Variants in GALNT10 observed in about 807,000 individuals in gnomAD.
The protein encoded by GALNT10 is polypeptide N-acetylgalactosaminyltransferase 10, also known as GalNAc transferase 10.
Under a neutral mutation model 75.0 loss-of-function variants are expected in GALNT10, and 41 were observed. The ratio of observed to expected loss-of-function variants is 0.55; its 90% CI spans 0.43 to 0.71. The LOEUF is 0.71. Among genes scored for constraint, GALNT10 ranks in the 30% least tolerant of loss-of-function variants. GALNT10 has a pLI of 0.00. For synonymous variants in GALNT10, 302 were observed against 313.0 expected (o/e 0.96, Z 0.37); for missense variants, 727 against 818.5 (o/e 0.89, Z 1.36).
intron 4 of GALNT10, among the ~76,000 whole-genome samples, chr5:154,351,600 T>A (rs1045894352): frequency 6.6e-6 from 1 of 152,260 alleles, no homozygotes; most frequent in Admixed American, 6.5e-5. Flanking sequence ...ACCTTGTTCC[T>A]GGCTCCTTTG....
In GALNT10 at chr5:154,404,120, G is replaced by A. The variant is rs1379955753; in HGVS notation, c.1073G>A (p.Gly358Asp). The change falls in exon 8 of 12, where the codon GGC becomes GAC. Residue 358 changes from glycine to aspartate, a missense_variant. By Grantham distance (94) the Gly-to-Asp change is moderately conservative (BLOSUM62 -1). Transcript: ENST00000297107. ...EISFKVWMCG[G>D]RMEDIPCSRV... ...GCCATGCAGGTGTGGATGTGTGGGG[G>A]CCGCATGGAGGACATCCCCTGCTCC... 1.2e-6 allele frequency: 2 copies of A among 1,613,276 alleles called. No individual in the cohort carries two copies. Among genetic ancestry groups the A allele is most frequent in the South Asian group, 2.2e-5 (2 of 91,060 alleles).
intron 1 of GALNT10, among the ~76,000 whole-genome samples, chr5:154,278,278 A>G (rs1753980803): frequency 1.3e-5 from 2 of 152,210 alleles, no homozygotes; most frequent in African/African-American, 4.8e-5. Flanking sequence ...TCTTATAAGC[A>G]TCAAAAAAGT....
intron 1 of GALNT10, among the ~76,000 whole-genome samples, chr5:154,248,697 C>T (rs1753469535): frequency 6.6e-6 from 1 of 152,172 alleles, no homozygotes; most frequent in Non-Finnish European, 1.5e-5. Flanking sequence ...TGATTCTTCT[C>T]TCTTTTCTTC....
intron 3 of GALNT10, among the ~76,000 whole-genome samples, chr5:154,322,610 G>A (rs1321977095): frequency 1.3e-5 from 2 of 152,168 alleles, no homozygotes; most frequent in South Asian, 4.1e-4. Flanking sequence ...TACCATGCCT[G>A]GTTTCTGGCT....
chr5:154,242,280 G>C (rs968918052), intron 1 of GALNT10, among the ~76,000 whole-genome samples: 1 of 152,146 alleles, frequency 6.6e-6, no homozygotes, highest in African/African-American at 2.4e-5. Flanking sequence ...CAGCCATCTT[G>C]TTTGAGGAGG....
At chr5:154,384,758 G>C (rs190317859) in intron 6 of GALNT10, among the ~76,000 whole-genome samples, 1 of 152,298 alleles carries the variant, frequency 6.6e-6, no homozygotes, top group Admixed American at 6.5e-5. Context: ...TTGTGGTGGC[G>C]AGGGGTGTGA....
chr5:154,212,989 C>T (rs1253108973), intron 1 of GALNT10, among the ~76,000 whole-genome samples: 1 of 151,218 alleles, frequency 6.6e-6, no homozygotes, highest in Non-Finnish European at 1.5e-5. Flanking sequence ...AAAAAGATCA[C>T]AGGCTCCAGA....
chr5:154,380,681 C>T (rs945657807), intron 6 of GALNT10, 50 bp downstream of exon 6: 7 of 1,274,708 alleles, frequency 5.5e-6, no homozygotes, highest in Admixed American at 3.8e-5. Context: ...AGTGACCACT[C>T]CCAACACGCA....
intron 4 of GALNT10, chr5:154,337,656 C>T: frequency 3.0e-6 from 3 of 998,592 alleles, no homozygotes; most frequent in Non-Finnish European, 4.7e-6. Flanking sequence ...ATTGTAGCTT[C>T]CATCACCTCC....
At chr5:154,404,701 AC>A (rs1561684780) in intron 8 of GALNT10, among the ~76,000 whole-genome samples, 1 of 152,238 alleles carries the variant, frequency 6.6e-6, no homozygotes, top group East Asian at 1.9e-4. Context: ...ATGTAAAAAA[AC>A]ATGTTAGATA....
chr5:154,355,296 A>T (rs1188188654), intron 4 of GALNT10, among the ~76,000 whole-genome samples: 3 of 152,086 alleles, frequency 2.0e-5, no homozygotes, highest in Non-Finnish European at 4.4e-5. Flanking sequence ...GACCCAATGC[A>T]TATCTGTTTA....
intron 1 of GALNT10, among the ~76,000 whole-genome samples, chr5:154,275,233 A>G (rs543511337): frequency 6.6e-6 from 1 of 152,358 alleles, no homozygotes; most frequent in Non-Finnish European, 1.5e-5. Context: ...ATGAATAAAA[A>G]TGGGTCTGGC....
chr5:154,233,472 T>C (rs533743107), intron 1 of GALNT10, among the ~76,000 whole-genome samples: 15 of 152,278 alleles, frequency 9.9e-5, no homozygotes, highest in African/African-American at 3.4e-4. Context: ...CAAGGAAAAG[T>C]GGGCTTCTGC....
At chr5:154,327,325 G>A (rs1392449737) in intron 3 of GALNT10, among the ~76,000 whole-genome samples, 2 of 152,332 alleles carry the variant, frequency 1.3e-5, no homozygotes, top group Non-Finnish European at 2.9e-5. Flanking sequence ...TGCAGCATCC[G>A]AATGGTGATA....
chr5:154,251,100 A>G (rs1753513369), intron 1 of GALNT10, among the ~76,000 whole-genome samples: 1 of 152,180 alleles, frequency 6.6e-6, no homozygotes, highest in South Asian at 2.1e-4. Flanking sequence ...CTGTGAACGT[A>G]ATGAATTGTT....
intron 4 of GALNT10, among the ~76,000 whole-genome samples, chr5:154,368,991 C>G (rs1755521200): frequency 6.6e-6 from 1 of 152,184 alleles, no homozygotes; most frequent in Admixed American, 6.5e-5. Context: ...CTGTCACCTA[C>G]CAGCTGTCTG....
chr5:154,413,131 G>T (rs1328014499), intron 10 of GALNT10, 126 bp downstream of exon 10: 1 of 659,724 alleles, frequency 1.5e-6, no homozygotes, highest in Non-Finnish European at 2.7e-6. Context: ...CAGCCCCGGG[G>T]ATGAGTTTTA....
At chr5:154,244,407 AT>A (rs1164884093) in intron 1 of GALNT10, among the ~76,000 whole-genome samples, 4 of 151,596 alleles carry the variant, frequency 2.6e-5, no homozygotes, top group African/African-American at 7.3e-5. Context: ...TCTCTAAAAA[AT>A]TTTTTTTTAA....
At chr5:154,345,234 CA>C (rs1755103534) in intron 4 of GALNT10, among the ~76,000 whole-genome samples, 1 of 152,008 alleles carries the variant, frequency 6.6e-6, no homozygotes, top group Non-Finnish European at 1.5e-5. Flanking sequence ...TATATATATA[CA>C]TTGTGAAGTC....
Sources: allele counts gnomAD v4.1 joint callset (sites outside exome capture counted in the v4.1 genomes callset), GRCh38; gene constraint gnomAD v4.1.1; transcripts MANE v1.5; gene names NCBI Gene and HGNC (gene_info 2026-07-23, HGNC 2026-07-21).